ESCO1: variants seen among roughly 807,000 people sequenced by gnomAD.
ESCO1 encodes establishment of sister chromatid cohesion N-acetyltransferase 1.
A neutral mutation model predicts 83.5 loss-of-function variants in ESCO1; 33 were observed. The observed-to-expected ratio is 0.40, with a 90% CI of 0.30 to 0.53. The LOEUF (loss-of-function observed/expected upper bound fraction) is 0.53. Among genes scored for constraint, ESCO1 ranks in the 20% least tolerant of loss-of-function variants. The pLI is 0.63. For missense variants in ESCO1, 855 were observed against 968.0 expected, an observed-to-expected ratio of 0.88 and a Z score of 1.55; for synonymous variants, 332 against 324.3, an observed-to-expected ratio of 1.02 and a Z score of -0.25.
At chr18:21,536,318 G>T (rs1422415855) in intron 9 of ESCO1, 133 bp from the exon 10 acceptor site, 12 of 1,033,374 alleles carry the variant, frequency 1.2e-5, no homozygotes, top group Admixed American at 8.3e-5. Context: ...GGCTGGGTGT[G>T]GTGGTTCACA....
intron 11 of ESCO1, 96 bp from the exon 12 acceptor site, chr18:21,530,586 A>C: frequency 8.1e-7 from 1 of 1,232,394 alleles, no homozygotes; most frequent in Non-Finnish European, 1.1e-6. Context: ...TGTCAAATAC[A>C]ATTTGACTAA....
At position 21,574,209 on chromosome 18, in the gene ESCO1, G is replaced by A. The variant is rs767781513; in HGVS notation, c.635C>T (p.Thr212Ile). The change falls in exon 4 of 12, where the codon ACA becomes ATA. Residue 212 changes from threonine (T) to isoleucine (I), a missense_variant. Around this residue, in one of 2 missense-constraint regions of ESCO1, gnomAD observed 726 missense variants for 699.5 expected, o/e 1.04. Transcript: ENST00000269214. ...GCATTGAGAACTACAAGCACAAGCT[G>A]TCTGATGTTCTACCTTGCGTTTTTT... ...KGKKRKVEHQ[T>I]ACACSSQCTQ... The A allele has an allele frequency of 1.2e-6, 2 of 1,613,816 alleles. No homozygotes were observed. Among genetic ancestry groups the A allele is most frequent in the Non-Finnish European group, 1.7e-6 (2 of 1,180,022 alleles).
intron 8 of ESCO1, 22 bp from the exon 9 acceptor site, chr18:21,540,031 TAC>T (rs758702927): frequency 5.0e-5 from 30 of 595,590 alleles, no homozygotes; most frequent in Admixed American, 9.7e-5. Flanking sequence ...TATATATATA[TAC>T]ACACATATGT....
chr18:21,573,585 G>T lies in ESCO1; in HGVS notation c.1259C>A (p.Thr420Asn). Residue 420 changes from threonine (T) to asparagine (N), a missense_variant, in exon 4 of 12, where the codon ACC (threonine) becomes AAC (asparagine). Coordinates refer to ENST00000269214, the MANE Select transcript of ESCO1 (RefSeq NM_052911.3). Reference sequence around the variant, plus strand: ...TTCTAAAGCTGGTGGTGAAAAACTGGTTCGTAATAAGCCTAATTTAGGGGA... The same window carrying T: ...TTCTAAAGCTGGTGGTGAAAAACTGTTTCGTAATAAGCCTAATTTAGGGGA... ...QVSPKLGLLRTSFSPPALEMH... is the reference protein window; with the variant it reads ...QVSPKLGLLRNSFSPPALEMH... The T allele has an allele frequency of 6.2e-7, 1 of 1,614,116 alleles. No individual in the cohort carries two copies. Among genetic ancestry groups the T allele is most frequent in the Non-Finnish European group, 8.5e-7 (1 of 1,180,028 alleles).
At chr18:21,551,086 T>C (rs1320697905) in intron 8 of ESCO1, among the ~76,000 whole-genome samples, 1 of 139,188 alleles carries the variant, frequency 7.2e-6, no homozygotes, top group Non-Finnish European at 1.5e-5. Context: ...CACTCCAGCC[T>C]GGGCTGCAAG....
chr18:21,552,744 G>C (rs2038061452), intron 8 of ESCO1, among the ~76,000 whole-genome samples: 1 of 152,208 alleles, frequency 6.6e-6, no homozygotes, highest in Non-Finnish European at 1.5e-5. Flanking sequence ...ATGGAGAAAA[G>C]ACAGCCTTTC....
rs796205125 is a variant in ESCO1, at chr18:21,579,157, G to T, written c.-693-3380C>A. ...TTACAGGCATGAGCCACTGCGCCTG[G>T]CCTTTTTTGTACTTTTAGTAGAGAC... On this transcript the variant is annotated intron_variant, in intron 2 of 11. Coordinates refer to ENST00000269214, the MANE Select transcript of ESCO1 (RefSeq NM_052911.3). 2.7e-4 allele frequency among the ~76,000 whole-genome samples: 41 copies of T among 152,004 alleles called. 1 individual carries two copies. The highest frequency in any genetic ancestry group is 9.9e-4 in the African/African-American group (41 of 41,458).
intron 1 of ESCO1, chr18:21,596,903 T>G (rs1199389178): frequency 6.6e-6 from 1 of 152,218 alleles, no homozygotes; most frequent in Non-Finnish European, 1.5e-5. Flanking sequence ...ATTATCATTA[T>G]CCCCTTCAGT....
Position 21,564,325 on chromosome 18 carries a change from A to C in ESCO1, c.1707-8T>G. 1 of 1,545,938 alleles carries C rather than the reference A, an allele frequency of 6.5e-7. No individual in the cohort carries two copies. Among genetic ancestry groups the C allele is most frequent in the Non-Finnish European group, 8.9e-7 (1 of 1,128,656 alleles). On this transcript the variant is annotated splice_region_variant and splice_polypyrimidine_tract_variant and intron_variant, in intron 6 of 11. Transcript: ENST00000269214. The stretch of plus-strand genomic sequence containing the variant: ...TGATTTCGTGGTGTCTCCCTTAAAA[A>C]AAATAAAATTACTAAATGTTACAGA...
chr18:21,594,748 T>A (rs2038735933), intron 1 of ESCO1, among the ~76,000 whole-genome samples: 1 of 152,128 alleles, frequency 6.6e-6, no homozygotes, highest in Non-Finnish European at 1.5e-5. Context: ...TATCTATTTT[T>A]GAAGAAAAAT....
At chr18:21,569,096 C>T (rs1037302381) in intron 4 of ESCO1, among the ~76,000 whole-genome samples, 1 of 152,190 alleles carries the variant, frequency 6.6e-6, no homozygotes, top group East Asian at 1.9e-4. Context: ...TTCCATAAAG[C>T]CTTTCCCAAT....
At chr18:21,551,372 A>C (rs2038045708) in intron 8 of ESCO1, among the ~76,000 whole-genome samples, 1 of 151,964 alleles carries the variant, frequency 6.6e-6, no homozygotes. Flanking sequence ...CGGAGCTTGT[A>C]GTGAGCCGAG....
At chr18:21,589,399 T>G (rs2038629403) in intron 1 of ESCO1, among the ~76,000 whole-genome samples, 2 of 117,682 alleles carry the variant, frequency 1.7e-5, no homozygotes, top group East Asian at 2.5e-4. Flanking sequence ...CTTGATGGTT[T>G]TTTTTACTTT....
At chr18:21,582,446 G>C (rs576830205) in intron 2 of ESCO1, among the ~76,000 whole-genome samples, 8 of 152,188 alleles carry the variant, frequency 5.3e-5, no homozygotes, top group Admixed American at 3.9e-4. Context: ...AGCCAGGCTG[G>C]TCTTGAACTC....
intron 4 of ESCO1, among the ~76,000 whole-genome samples, chr18:21,568,740 T>C (rs1334656707): frequency 6.6e-6 from 1 of 151,972 alleles, no homozygotes; most frequent in Non-Finnish European, 1.5e-5. Flanking sequence ...TCGTCTCTAC[T>C]AAAAATACAA....
chr18:21,594,984 A>G (rs1490147004), intron 1 of ESCO1, among the ~76,000 whole-genome samples: 1 of 148,612 alleles, frequency 6.7e-6, no homozygotes, highest in Non-Finnish European at 1.5e-5. Flanking sequence ...TTATATATGA[A>G]AAACTACAGG....
chr18:21,548,816 T>C (rs2038007987), intron 8 of ESCO1, among the ~76,000 whole-genome samples: 2 of 151,990 alleles, frequency 1.3e-5, no homozygotes, highest in South Asian at 4.2e-4. Flanking sequence ...GACACATGCT[T>C]GTAGTCCCAG....
At chr18:21,536,206 A>C (rs1045801299) in intron 9 of ESCO1, 21 bp from the exon 10 acceptor site, 2 of 1,600,742 alleles carry the variant, frequency 1.2e-6, no homozygotes, top group African/African-American at 2.7e-5. Flanking sequence ...AAGAACAGTA[A>C]TTATTTTTAA....
intron 1 of ESCO1, among the ~76,000 whole-genome samples, chr18:21,591,923 T>C (rs373222757): frequency 2.0e-5 from 3 of 151,144 alleles, no homozygotes; most frequent in Admixed American, 2.0e-4. Context: ...CATCTTGCAC[T>C]GCCCTTAATC....
Sources: allele counts gnomAD v4.1 joint callset (sites outside exome capture counted in the v4.1 genomes callset), GRCh38; gene constraint gnomAD v4.1.1; regional missense constraint gnomAD v4.1.1; transcripts MANE v1.5; gene names NCBI Gene and HGNC (gene_info 2026-07-23, HGNC 2026-07-21).